Variants in GRM5 observed in about 807,000 individuals in gnomAD.
GRM5 encodes the protein glutamate metabotropic receptor 5, also known as metabotropic glutamate receptor 5.
GRM5 carries 19 observed loss-of-function variants against 83.1 expected under a neutral mutation model. The ratio of observed to expected loss-of-function variants is 0.23; its 90% confidence interval spans 0.16 to 0.34. The LOEUF (loss-of-function observed/expected upper bound fraction) is 0.34. GRM5 is among the 10% of genes least tolerant of loss of function. The pLI, the probability that GRM5 is intolerant of heterozygous loss-of-function variation, is 1.00. For missense variants in GRM5, 1,160 were observed against 1,588.3 expected (o/e 0.73, Z 4.58); for synonymous variants, 675 against 633.6 (o/e 1.07, Z -0.98).
chr11:88,915,567 T>C (rs1461145790), intron 2 of GRM5, among the ~76,000 whole-genome samples: 1 of 123,260 alleles, frequency 8.1e-6, no homozygotes, highest in Admixed American at 8.5e-5. Flanking sequence ...TCATATATTC[T>C]CTCATTATCT....
chr11:88,903,739 T>C (rs1241041382), intron 2 of GRM5, among the ~76,000 whole-genome samples: 10 of 152,114 alleles, frequency 6.6e-5, no homozygotes, highest in Non-Finnish European at 1.0e-4. Flanking sequence ...TAATAGAGAT[T>C]AGGAAGATTG....
chr11:88,735,341 A>G (rs1291261942), intron 3 of GRM5, among the ~76,000 whole-genome samples: 1 of 152,070 alleles, frequency 6.6e-6, no homozygotes, highest in Admixed American at 6.6e-5. Flanking sequence ...TTGCTGAAAA[A>G]TGAAATAAAA....
chr11:89,024,481 T>C (rs1941078773), intron 2 of GRM5, among the ~76,000 whole-genome samples: 1 of 152,240 alleles, frequency 6.6e-6, no homozygotes, highest in Admixed American at 6.5e-5. Context: ...ATTTTGGCAT[T>C]AAATTCATTT....
intron 2 of GRM5, among the ~76,000 whole-genome samples, chr11:89,035,568 G>C (rs1410093426): frequency 6.6e-6 from 1 of 151,814 alleles, no homozygotes. Context: ...GGAAAGGAAT[G>C]CAGAAATATC....
chr11:89,027,507 T>C (rs115299141), intron 2 of GRM5, among the ~76,000 whole-genome samples: 11,567 of 152,186 alleles, frequency 0.076, 1,065 homozygotes, highest in African/African-American at 0.22. Context: ...GTTTATTAGA[T>C]GAAAATAGTT....
chr11:88,639,540 C>A (rs17770573), intron 4 of GRM5, among the ~76,000 whole-genome samples: 9,124 of 151,856 alleles, frequency 0.06, 274 homozygotes, highest in Middle Eastern at 0.072. Flanking sequence ...AAAGAAGCAG[C>A]CATTTTCCCA....
At chr11:89,064,915 T>TGA (rs67948422) in intron 1 of GRM5, among the ~76,000 whole-genome samples, 4 of 58,040 alleles carry the variant, frequency 6.9e-5, no homozygotes, top group Non-Finnish European at 1.0e-4. Flanking sequence ...TGTGTGTGTG[T>TGA]GAGAGAGAGA....
intron 2 of GRM5, among the ~76,000 whole-genome samples, chr11:88,890,750 T>A (rs193230446): frequency 8.8e-4 from 134 of 152,236 alleles, no homozygotes; most frequent in Admixed American, 2.6e-3. Flanking sequence ...AGATCTTATA[T>A]GCATTTCTGC....
chr11:88,726,587 G>A lies in GRM5; in HGVS notation c.912-73184C>T, dbSNP rs1487870092. Reference sequence around the variant, plus strand: ...AAGAGCAATCCCAAGACACATAATCGTCAGTTTCACCAATGTTGAAATGAA... The same window carrying A: ...AAGAGCAATCCCAAGACACATAATCATCAGTTTCACCAATGTTGAAATGAA... On this transcript the variant is annotated intron_variant, in intron 3 of 9. Transcript: ENST00000305447. Among the ~76,000 whole-genome samples the A allele has an allele frequency of 5.9e-5, 9 of 152,200 alleles. No individual in the cohort carries two copies. The East Asian group carries it at 7.7e-4, about 13-fold the overall frequency.
chr11:88,718,259 A>G (rs1287248849), intron 3 of GRM5, among the ~76,000 whole-genome samples: 1 of 151,972 alleles, frequency 6.6e-6, no homozygotes, highest in Non-Finnish European at 1.5e-5. Flanking sequence ...TTTTGAGAGC[A>G]AAGGTCATAT....
chr11:88,953,157 A>C (rs1938513618), intron 2 of GRM5, among the ~76,000 whole-genome samples: 1 of 152,218 alleles, frequency 6.6e-6, no homozygotes, highest in Admixed American at 6.5e-5. Context: ...AGTACCTTGC[A>C]ATTTGTAAGA....
At chr11:88,925,394 T>C (rs1945771970) in intron 2 of GRM5, among the ~76,000 whole-genome samples, 1 of 152,094 alleles carries the variant, frequency 6.6e-6, no homozygotes, top group African/African-American at 2.4e-5. Context: ...TGCCTTTACT[T>C]TGTACTATGC....
intron 4 of GRM5, among the ~76,000 whole-genome samples, chr11:88,607,110 G>A (rs10128655): frequency 0.16 from 24,556 of 151,860 alleles, 2,124 homozygotes; most frequent in Middle Eastern, 0.18. Context: ...AGAAACTGGC[G>A]TAGTGCATTG....
chr11:89,042,342 A>G (rs1238698246), intron 2 of GRM5, among the ~76,000 whole-genome samples: 4 of 152,226 alleles, frequency 2.6e-5, no homozygotes, highest in African/African-American at 9.6e-5. Flanking sequence ...AATCTCCAGC[A>G]ATGTTTTGGA....
At chr11:88,682,805 G>A (rs905079774) in intron 3 of GRM5, among the ~76,000 whole-genome samples, 3 of 151,978 alleles carry the variant, frequency 2.0e-5, no homozygotes, top group African/African-American at 7.2e-5. Flanking sequence ...AAAGAAATAT[G>A]GACTTTTTCC....
intron 2 of GRM5, among the ~76,000 whole-genome samples, chr11:89,032,495 C>A (rs2135126737): frequency 6.6e-6 from 1 of 152,140 alleles, no homozygotes; most frequent in East Asian, 1.9e-4. Flanking sequence ...AGCTCTGTGA[C>A]CTTAGACAAG....
rs369075230 is a variant in GRM5, at chr11:88,542,146, G to A, written c.2631-16742C>T. ...GTAGTACCTTTATAGAAGGGTGAGA[G>A]CAGACTAATACACTATGAGATATGT... On this transcript the variant is annotated intron_variant, in intron 8 of 9. Transcript: ENST00000305447. Among the ~76,000 whole-genome samples the A allele has an allele frequency of 1.4e-4, 21 of 152,202 alleles. No homozygotes were observed. The East Asian group carries it at 2.3e-3, about 17-fold the overall frequency.
At chr11:88,961,362 ATT>A (rs5793371) in intron 2 of GRM5, among the ~76,000 whole-genome samples, 2,561 of 144,282 alleles carry the variant, frequency 0.018, 78 homozygotes, top group African/African-American at 0.059. Context: ...ATGTTACAGC[ATT>A]TTTTTTTTTT....
intron 3 of GRM5, among the ~76,000 whole-genome samples, chr11:88,764,171 T>C (rs1942582227): frequency 6.6e-6 from 1 of 151,526 alleles, no homozygotes; most frequent in Non-Finnish European, 1.5e-5. Flanking sequence ...CAAGAAGATA[T>C]AAACATCTAC....
Sources: allele counts gnomAD v4.1 joint callset (sites outside exome capture counted in the v4.1 genomes callset), GRCh38; gene constraint gnomAD v4.1.1; transcripts MANE v1.5; gene names NCBI Gene and HGNC (gene_info 2026-07-23, HGNC 2026-07-21).